Variants in ARID1B observed in about 807,000 individuals in gnomAD.
ARID1B encodes the protein AT-rich interactive domain-containing protein 1B.
A neutral mutation model predicts 212.3 loss-of-function variants in ARID1B; 30 were observed. The ratio of observed to expected loss-of-function variants is 0.14; its 90% CI spans 0.11 to 0.19. The LOEUF (loss-of-function observed/expected upper bound fraction) is 0.19, where lower values mean the gene tolerates loss of function less well. Ranked by LOEUF, ARID1B falls within the 10% of genes least tolerant of loss-of-function variation. ARID1B has a pLI of 1.00. For synonymous variants in ARID1B, 1,402 were observed against 1,301.7 expected (o/e 1.08, Z -1.66); for missense variants, 2,891 against 3,204.0 (o/e 0.90, Z 2.36).
intron 1 of ARID1B, among the ~76,000 whole-genome samples, chr6:156,796,153 A>C (rs1245149862): frequency 2.0e-5 from 3 of 152,174 alleles, no homozygotes; most frequent in Non-Finnish European, 4.4e-5. Flanking sequence ...TTAGAATTAA[A>C]TGAAGTCTTT....
intron 8 of ARID1B, among the ~76,000 whole-genome samples, chr6:157,161,443 A>AT (rs1790937239): frequency 6.8e-6 from 1 of 147,818 alleles, no homozygotes; most frequent in African/African-American, 2.6e-5. Flanking sequence ...ATATATATAT[A>AT]TATATATATA....
chr6:157,045,453 G>A (rs1038356990), intron 4 of ARID1B, among the ~76,000 whole-genome samples: 7 of 152,048 alleles, frequency 4.6e-5, no homozygotes, highest in Admixed American at 6.5e-5. Flanking sequence ...TACTCTTTGC[G>A]TCTTCTTAGC....
chr6:156,897,215 GCTGCTT>G (rs1376657493), intron 2 of ARID1B, among the ~76,000 whole-genome samples: 107 of 76,158 alleles, frequency 1.4e-3, no homozygotes, highest in African/African-American at 3.3e-3. Context: ...TGCTGCTGCT[GCTGCTT>G]CTTCTTCTTC....
At chr6:157,060,789 C>T (rs951404056) in intron 4 of ARID1B, among the ~76,000 whole-genome samples, 3 of 152,116 alleles carry the variant, frequency 2.0e-5, no homozygotes, top group African/African-American at 7.2e-5. Context: ...CCTTAACCCC[C>T]TGCTATTTTT....
chr6:157,124,890 A>G (rs995672469), intron 6 of ARID1B, among the ~76,000 whole-genome samples: 1 of 152,196 alleles, frequency 6.6e-6, no homozygotes, highest in Admixed American at 6.5e-5. Flanking sequence ...AGCTGTTAGC[A>G]TATAATATAT....
intron 4 of ARID1B, among the ~76,000 whole-genome samples, chr6:156,973,432 T>C (rs2128352026): frequency 6.6e-6 from 1 of 152,328 alleles, no homozygotes; most frequent in East Asian, 1.9e-4. Context: ...TTGCTATAAA[T>C]TACTTTTTAA....
chr6:156,952,426 C>T (rs1293032458), intron 4 of ARID1B, among the ~76,000 whole-genome samples: 1 of 152,234 alleles, frequency 6.6e-6, no homozygotes, highest in African/African-American at 2.4e-5. Context: ...TAACATGGAA[C>T]TCCATCATAG....
intron 1 of ARID1B, among the ~76,000 whole-genome samples, chr6:156,786,466 TC>T (rs1161278480): frequency 6.6e-6 from 1 of 152,234 alleles, no homozygotes; most frequent in African/African-American, 2.4e-5. Context: ...CTGCCTAGTC[TC>T]ATGAACAGGC....
intron 4 of ARID1B, chr6:156,985,089 C>T (rs1270413228): frequency 6.6e-6 from 1 of 152,148 alleles, no homozygotes; most frequent in African/African-American, 2.4e-5. Flanking sequence ...AAAGTTCTTA[C>T]AGAAAGAAAG....
intron 4 of ARID1B, among the ~76,000 whole-genome samples, chr6:156,958,619 C>T (rs1794135506): frequency 1.3e-5 from 2 of 152,194 alleles, no homozygotes; most frequent in South Asian, 4.1e-4. Flanking sequence ...TGTTGAAGGG[C>T]ATTTAAATGT....
chr6:157,090,250 T>A (rs1785196724), intron 5 of ARID1B, among the ~76,000 whole-genome samples: 1 of 152,114 alleles, frequency 6.6e-6, no homozygotes, highest in South Asian at 2.1e-4. Context: ...GAGCTCACCG[T>A]GGGGGTGAGG....
intron 4 of ARID1B, among the ~76,000 whole-genome samples, chr6:156,945,693 T>C (rs1013764539): frequency 4.6e-5 from 7 of 152,206 alleles, no homozygotes; most frequent in Admixed American, 1.3e-4. Context: ...ACTTCATTCA[T>C]TGGACACTAT....
Position 156,779,359 on chromosome 6 carries a change from A to G in ARID1B, c.1679A>G (p.Lys560Arg), listed in dbSNP as rs1215958095. The change falls in exon 1 of 20, where the codon AAG becomes AGG. Residue 560 changes from lysine to arginine, a missense_variant. By Grantham distance (26) the Lys-to-Arg change is conservative. Transcript: ENST00000636930. ...QQAAAGMGLGKDMGAQYAAAS... is the reference protein window; with the variant it reads ...QQAAAGMGLGRDMGAQYAAAS... Reference sequence around the variant, plus strand: ...GCGGCCGCGGGCATGGGCTTGGGCAAGGACATGGGCGCCCAGTACGCCGCT... The same window carrying G: ...GCGGCCGCGGGCATGGGCTTGGGCAGGGACATGGGCGCCCAGTACGCCGCT... 1.6e-6 allele frequency: 2 copies of G among 1,273,944 alleles called. No individual in the cohort carries two copies. Among genetic ancestry groups the G allele is most frequent in the Admixed American group, 3.7e-5 (1 of 26,760 alleles). 78.9% of individuals were successfully genotyped at this position (1,273,944 alleles called of 1,614,324 possible). A position where few individuals can be genotyped will look rare whatever the true frequency, so the allele number is the denominator to read the frequency against.
intron 2 of ARID1B, among the ~76,000 whole-genome samples, chr6:156,833,572 A>T (rs1047149725): frequency 6.6e-6 from 1 of 152,212 alleles, no homozygotes; most frequent in African/African-American, 2.4e-5. Context: ...ATTGAAGTTC[A>T]TGAGTGCTTT....
intron 1 of ARID1B, among the ~76,000 whole-genome samples, chr6:156,825,851 G>A (rs1459083248): frequency 6.6e-6 from 1 of 152,014 alleles, no homozygotes; most frequent in African/African-American, 2.4e-5. Context: ...TCCATAAAAA[G>A]TTTTACCTTT....
chr6:157,127,473 G>A (rs1303236799), intron 6 of ARID1B, among the ~76,000 whole-genome samples: 1 of 151,932 alleles, frequency 6.6e-6, no homozygotes, highest in Non-Finnish European at 1.5e-5. Flanking sequence ...TGGCCAATAT[G>A]GTGAAATCCC....
chr6:156,924,184 A>G (rs1791035291), intron 3 of ARID1B, among the ~76,000 whole-genome samples: 2 of 152,154 alleles, frequency 1.3e-5, no homozygotes, highest in Non-Finnish European at 2.9e-5. Flanking sequence ...CAGCCAGGGG[A>G]TGGGATAAGT....
chr6:157,198,669 A>G (rs1793903428), intron 16 of ARID1B, 142 bp from the exon 17 acceptor site: 2 of 625,980 alleles, frequency 3.2e-6, no homozygotes, highest in Admixed American at 2.9e-5. Flanking sequence ...GCTGCCTCTC[A>G]GAGGGCCTTT....
intron 4 of ARID1B, among the ~76,000 whole-genome samples, chr6:157,078,432 A>G (rs1442201209): frequency 6.6e-6 from 1 of 152,212 alleles, no homozygotes; most frequent in Non-Finnish European, 1.5e-5. Flanking sequence ...TCTACTGCCC[A>G]TACTATGTTG....
Sources: allele counts gnomAD v4.1 joint callset (sites outside exome capture counted in the v4.1 genomes callset), GRCh38; gene constraint gnomAD v4.1.1; transcripts MANE v1.5; gene names NCBI Gene and HGNC (gene_info 2026-07-23, HGNC 2026-07-21).